The following PIK3CB variants were observed in gnomAD, a reference collection of about 807,000 sequenced individuals.
PIK3CB encodes phosphatidylinositol 4,5-bisphosphate 3-kinase catalytic subunit beta isoform.
A neutral mutation model predicts 136.8 loss-of-function variants in PIK3CB; 39 were observed. The observed-to-expected ratio is 0.29, with a 90% CI of 0.22 to 0.37. The LOEUF is 0.37. PIK3CB is among the 10% of genes least tolerant of loss of function. The pLI, the probability that PIK3CB is intolerant of heterozygous loss-of-function variation, is 1.00. For synonymous variants in PIK3CB, 428 were observed against 436.6 expected (o/e 0.98, Z 0.25); for missense variants, 868 against 1,275.4 (o/e 0.68, Z 4.87).
chr3:138,669,426 A>AAG (rs1553719318), intron 19 of PIK3CB, among the ~76,000 whole-genome samples: 3 of 64,052 alleles, frequency 4.7e-5, no homozygotes, highest in African/African-American at 1.8e-4. Flanking sequence ...AAAAAAAAAA[A>AAG]GGGGGGGGGG....
intron 1 of PIK3CB, among the ~76,000 whole-genome samples, chr3:138,831,491 C>A (rs1035828524): frequency 1.3e-5 from 2 of 151,776 alleles, no homozygotes; most frequent in African/African-American, 4.8e-5. Flanking sequence ...GAGGCTGAGG[C>A]AGAAGAATTG....
chr3:138,688,273 G>A (rs1025674812), intron 16 of PIK3CB, among the ~76,000 whole-genome samples: 1 of 151,856 alleles, frequency 6.6e-6, no homozygotes, highest in South Asian at 2.1e-4. Context: ...AGGCCGAGGC[G>A]GGCGGATCAC....
chr3:138,781,368 C>A (rs1023920022), intron 2 of PIK3CB, among the ~76,000 whole-genome samples: 1 of 151,628 alleles, frequency 6.6e-6, no homozygotes, highest in African/African-American at 2.4e-5. Flanking sequence ...AATCTTAGCA[C>A]TTTAGGAGAT....
chr3:138,808,736 C>T (rs1364539714), intron 1 of PIK3CB, among the ~76,000 whole-genome samples: 2 of 150,238 alleles, frequency 1.3e-5, no homozygotes. Flanking sequence ...CTCTCCTTTT[C>T]TCTCTCTCTC....
intron 8 of PIK3CB, among the ~76,000 whole-genome samples, chr3:138,722,219 G>GAC (rs1386778250): frequency 1.4e-4 from 9 of 65,432 alleles, no homozygotes; most frequent in African/African-American, 2.8e-4. Context: ...TGCTATGTAA[G>GAC]AGACACACAC....
intron 13 of PIK3CB, among the ~76,000 whole-genome samples, chr3:138,696,545 G>A (rs149651740): frequency 6.6e-6 from 1 of 151,998 alleles, no homozygotes; most frequent in Non-Finnish European, 1.5e-5. Flanking sequence ...ATTGAATAAG[G>A]CTAGCTCTTT....
chr3:138,716,877 G>C (rs1225595255), intron 8 of PIK3CB, among the ~76,000 whole-genome samples: 1 of 92,790 alleles, frequency 1.1e-5, no homozygotes, highest in Non-Finnish European at 1.9e-5. Flanking sequence ...CTGGGTGACA[G>C]AGAAAGATTG....
chr3:138,707,886 T>C (rs1198848238), intron 10 of PIK3CB, among the ~76,000 whole-genome samples: 1 of 152,194 alleles, frequency 6.6e-6, no homozygotes, highest in Non-Finnish European at 1.5e-5. Flanking sequence ...ACGCTAAATA[T>C]GGTCAATTCA....
intron 21 of PIK3CB, among the ~76,000 whole-genome samples, chr3:138,660,742 C>A (rs901363207): frequency 6.6e-6 from 1 of 152,194 alleles, no homozygotes; most frequent in Admixed American, 6.5e-5. Flanking sequence ...AGGTAACACA[C>A]AGGTCAGCTC....
chr3:138,813,430 A>ATTTT (rs770922735), intron 1 of PIK3CB, among the ~76,000 whole-genome samples: 1 of 133,204 alleles, frequency 7.5e-6, no homozygotes, highest in Non-Finnish European at 1.6e-5. Context: ...GGCCTACTCT[A>ATTTT]TTTTTTTTTT....
chr3:138,653,990 C>A lies in PIK3CB; in HGVS notation c.*1399G>T, dbSNP rs563033410. Reference sequence around the variant, plus strand: ...GTTCCAGTGCCAAGTTCCAAAGGCCCAGTCTACCCATAAAGAAGAGGCTCA... The same window carrying A: ...GTTCCAGTGCCAAGTTCCAAAGGCCAAGTCTACCCATAAAGAAGAGGCTCA... On this transcript the variant is annotated 3_prime_UTR_variant, in exon 24 of 24. Coordinates refer to ENST00000674063, the MANE Select transcript of PIK3CB (RefSeq NM_006219.3). The A allele has an allele frequency of 4.7e-4, 93 of 197,252 alleles. 1 individual carries two copies. In the South Asian group the frequency reaches 0.017, roughly 37 times the overall value. The allele number at this position is 197,252 out of a possible 1,614,324, so 12.2% of individuals were successfully genotyped here. A position where few individuals can be genotyped will look rare whatever the true frequency, so the allele number is the denominator to read the frequency against.
chr3:138,768,179 G>A (rs543746485), intron 2 of PIK3CB, among the ~76,000 whole-genome samples: 3 of 149,738 alleles, frequency 2.0e-5, no homozygotes, highest in Admixed American at 1.3e-4. Flanking sequence ...CTCTGCAGCT[G>A]GCTGTCCTGA....
In PIK3CB at chr3:138,672,720, T is replaced by G. The variant is rs1192589029; in HGVS notation, c.2505-7517A>C. Reference sequence around the variant, plus strand: ...TGAGGTCAACAGTTCAAGACCAGCCTGGCCAACATGGTGAAACCCTGCCTC... The same window carrying G: ...TGAGGTCAACAGTTCAAGACCAGCCGGGCCAACATGGTGAAACCCTGCCTC... On this transcript the variant is annotated intron_variant, in intron 19 of 23. Coordinates refer to ENST00000674063, the MANE Select transcript of PIK3CB (RefSeq NM_006219.3). 2.0e-5 allele frequency among the ~76,000 whole-genome samples: 3 copies of G among 152,008 alleles called. No homozygotes were observed. The East Asian group carries it at 5.8e-4, about 29-fold the overall frequency.
At chr3:138,665,411 G>A (rs974417289) in intron 19 of PIK3CB, among the ~76,000 whole-genome samples, 2 of 152,206 alleles carry the variant, frequency 1.3e-5, no homozygotes, top group African/African-American at 2.4e-5. Flanking sequence ...GGATTCCAAT[G>A]TGCCAATTAC....
At chr3:138,677,106 G>A (rs2043664025) in intron 19 of PIK3CB, among the ~76,000 whole-genome samples, 1 of 148,518 alleles carries the variant, frequency 6.7e-6, no homozygotes, top group Non-Finnish European at 1.5e-5. Flanking sequence ...TGCCCAGGCT[G>A]GAGTATGCAA....
At chr3:138,764,613 G>C (rs1244418797) in intron 2 of PIK3CB, among the ~76,000 whole-genome samples, 1 of 152,038 alleles carries the variant, frequency 6.6e-6, no homozygotes, top group African/African-American at 2.4e-5. Flanking sequence ...TGAATTATGA[G>C]AATGAATTCA....
chr3:138,798,642 T>G (rs1234448752), intron 1 of PIK3CB, among the ~76,000 whole-genome samples: 1 of 152,134 alleles, frequency 6.6e-6, no homozygotes, highest in Non-Finnish European at 1.5e-5. Context: ...TTAAAAGTAT[T>G]TCTAACTCCA....
At chr3:138,666,630 C>A (rs1025688041) in intron 19 of PIK3CB, among the ~76,000 whole-genome samples, 12 of 151,944 alleles carry the variant, frequency 7.9e-5, no homozygotes, top group African/African-American at 2.7e-4. Context: ...TCTCTAATTT[C>A]TATTATAATA....
chr3:138,666,238 T>C (rs2043407449), intron 19 of PIK3CB, among the ~76,000 whole-genome samples: 1 of 152,232 alleles, frequency 6.6e-6, no homozygotes, highest in African/African-American at 2.4e-5. Flanking sequence ...GACACGATCA[T>C]AGCTCACCAT....
Sources: gnomAD v4.1 joint callset for allele counts (sites outside exome capture counted in the v4.1 genomes callset) on GRCh38, gnomAD v4.1.1 for gene constraint, MANE v1.5 for transcripts, NCBI Gene and HGNC (gene_info 2026-07-23, HGNC 2026-07-21) for gene names.